SFXN2: variants seen among roughly 807,000 people sequenced by gnomAD.
SFXN2 encodes the protein sideroflexin-2.
Under a neutral mutation model 41.9 loss-of-function variants are expected in SFXN2, and 37 were observed. The ratio of observed to expected loss-of-function variants is 0.88; its 90% CI spans 0.68 to 1.16. The LOEUF (loss-of-function observed/expected upper bound fraction) is 1.16, where lower values mean the gene tolerates loss of function less well. SFXN2 is among the 50% of genes most tolerant of loss of function. SFXN2 has a pLI of 0.00. For synonymous variants in SFXN2, 150 were observed against 156.7 expected (o/e 0.96, Z 0.32); for missense variants, 386 against 425.2 (o/e 0.91, Z 0.81).
At chr10:102,737,621 T>C in intron 11 of SFXN2, 42 bp from the exon 12 acceptor site, 1 of 1,344,570 alleles carries the variant, frequency 7.4e-7, no homozygotes. Context: ...ACTTACTGCT[T>C]GTTCCTGGTG....
chr10:102,728,484 T>C lies in SFXN2; in HGVS notation c.386T>C (p.Leu129Ser), dbSNP rs761990772. ...WQWVNQSFNA[L>S]VNYTNRNAAS... is the part of the protein sequence containing the mutation. ...TGGGTGAACCAGTCCTTCAATGCCT[T>C]AGTCAACTACACCAACAGGAATGCG... The change falls in exon 4 of 12, where the codon TTA (leucine) becomes TCA (serine). Residue 129 changes from leucine to serine, a missense_variant. Coordinates refer to ENST00000369893, the MANE Select transcript of SFXN2 (RefSeq NM_178858.6). 1.2e-6 allele frequency: 2 copies of C among 1,613,874 alleles called. No individual in the cohort carries two copies. Among genetic ancestry groups the C allele is most frequent in the South Asian group, 2.2e-5 (2 of 91,078 alleles).
Position 102,734,529 on chromosome 10 carries a change from G to A in SFXN2, c.821+926G>A, listed in dbSNP as rs1458079115. The stretch of plus-strand genomic sequence containing the variant: ...GACAGAGTAAGAAACTTGCCCAAGG[G>A]TATATAGCTGGTAACTGCTGGAGCT... On this transcript the variant is annotated intron_variant, in intron 10 of 11. Coordinates refer to ENST00000369893, the MANE Select transcript of SFXN2 (RefSeq NM_178858.6). This position sits in a 1 kb window ranked among gnomAD's most constrained non-coding sequence, Gnocchi z 4.1. Among the ~76,000 whole-genome samples the A allele has an allele frequency of 1.3e-5, 2 of 152,154 alleles. No individual in the cohort carries two copies.
chr10:102,736,196 C>G (rs1394387611), intron 11 of SFXN2, among the ~76,000 whole-genome samples: 1 of 152,120 alleles, frequency 6.6e-6, no homozygotes, highest in East Asian at 1.9e-4. Flanking sequence ...AACAGACTTT[C>G]TCTTCCTGCC....
chr10:102,733,741 C>T (rs1298340229), intron 10 of SFXN2, 138 bp downstream of exon 10: 1 of 727,092 alleles, frequency 1.4e-6, no homozygotes, highest in Non-Finnish European at 2.4e-6. Flanking sequence ...ACCTGTGGTC[C>T]ATCTGGAAAG....
chr10:102,733,702 C>T lies in SFXN2; in HGVS notation c.821+99C>T, dbSNP rs995040628. The T allele has an allele frequency of 1.2e-5, 12 of 1,016,394 alleles. No homozygotes were observed. The Admixed American group carries it at 1.8e-4, about 15-fold the overall frequency. 63.0% of individuals were successfully genotyped at this position (1,016,394 alleles called of 1,614,324 possible). A position where few individuals can be genotyped will look rare whatever the true frequency, so the allele number is the denominator to read the frequency against. On this transcript the variant is annotated intron_variant, in intron 10 of 11. Coordinates refer to ENST00000369893, the MANE Select transcript of SFXN2 (RefSeq NM_178858.6). ...TGTTGGAGAACGTGTACTCCTTTAC[C>T]TGACTTTAAAAGTGGTCAAGCTCAG...
At chr10:102,725,621 G>A (rs1052145599) in intron 1 of SFXN2, among the ~76,000 whole-genome samples, 7 of 152,066 alleles carry the variant, frequency 4.6e-5, no homozygotes, top group East Asian at 1.9e-4. Flanking sequence ...GGCCAGATGC[G>A]GCAGCTCACA....
intron 6 of SFXN2, 133 bp downstream of exon 6, chr10:102,729,941 C>A: frequency 2.1e-6 from 2 of 965,446 alleles, no homozygotes; most frequent in Non-Finnish European, 3.1e-6. Context: ...CTCTGAAGGG[C>A]CCTGGGATTG....
chr10:102,735,723 A>G, intron 10 of SFXN2, 139 bp from the exon 11 acceptor site: 2 of 811,298 alleles, frequency 2.5e-6, no homozygotes, highest in Non-Finnish European at 4.3e-6. Flanking sequence ...GAACAGGAGG[A>G]GGGTTGGAGG....
chr10:102,727,223 T>TATG (rs1434952260), intron 3 of SFXN2, 66 bp downstream of exon 3: 22 of 1,494,516 alleles, frequency 1.5e-5, no homozygotes, highest in Non-Finnish European at 1.9e-5. Context: ...GGAGCCATAC[T>TATG]ATGATAATAA....
At chr10:102,731,530 C>T (rs755790522) in intron 6 of SFXN2, among the ~76,000 whole-genome samples, 193 bp from the exon 7 acceptor site, 9 of 152,126 alleles carry the variant, frequency 5.9e-5, no homozygotes, top group South Asian at 2.1e-4. Flanking sequence ...CCAGGGCCAC[C>T]GCTCTCAGCC....
chr10:102,718,734 C>G (rs571189253), intron 1 of SFXN2, among the ~76,000 whole-genome samples: 6 of 152,188 alleles, frequency 3.9e-5, no homozygotes, highest in Admixed American at 2.0e-4. Flanking sequence ...TCCGCCTTAA[C>G]GAAAAATCTA....
rs1258994727 is a variant in SFXN2 at position 102,734,792 on chromosome 10, G to T, written c.822-1070G>T. Among the ~76,000 whole-genome samples, 1 of 152,122 alleles carries T rather than the reference G, an allele frequency of 6.6e-6. No homozygotes were observed. Among genetic ancestry groups the T allele is most frequent in the Non-Finnish European group, 1.5e-5 (1 of 68,022 alleles). On this transcript the variant is annotated intron_variant, in intron 10 of 11. Transcript: ENST00000369893. This position sits in a 1 kb window ranked among gnomAD's most constrained non-coding sequence, Gnocchi z 4.1. Reference sequence around the variant, plus strand: ...GTGGTAAAACTGGGATACCAACCCAGGTCTGTCAGAGTCCCGCGTCCTGTA... The same window carrying T: ...GTGGTAAAACTGGGATACCAACCCATGTCTGTCAGAGTCCCGCGTCCTGTA...
In SFXN2 at chr10:102,733,752, C is replaced by G. The variant is rs1440716372; in HGVS notation, c.821+149C>G. On this transcript the variant is annotated intron_variant, in intron 10 of 11. Transcript: ENST00000369893. ...GAATACCTGTGGTCCATCTGGAAAG[C>G]TCTCACCCCATCTTTTGTGAGGGCA... 4 of 685,474 alleles carry G rather than the reference C, an allele frequency of 5.8e-6. No individual in the cohort carries two copies. In the African/African-American group the frequency reaches 7.2e-5, roughly 12 times the overall value. The allele number at this position is 685,474 out of a possible 1,614,324, so 42.5% of individuals were successfully genotyped here.
At position 102,740,252 on chromosome 10, in the gene SFXN2, C is replaced by T. The variant is rs1842767031; in HGVS notation, c.*2490C>T. ...AGTTGTACAAGCATCACCACTAATT[C>T]CAGAATTATTTTGAGACAGGATCTC... On this transcript the variant is annotated 3_prime_UTR_variant, in exon 12 of 12. Coordinates refer to ENST00000369893, the MANE Select transcript of SFXN2 (RefSeq NM_178858.6). 1 of 152,190 alleles carries T rather than the reference C, an allele frequency of 6.6e-6. No individual in the cohort carries two copies. The highest frequency in any genetic ancestry group is 1.5e-5 in the Non-Finnish European group (1 of 68,034). The allele number at this position is 152,190 out of a possible 1,614,324, so 9.4% of individuals were successfully genotyped here. A position where few individuals can be genotyped will look rare whatever the true frequency, so the allele number is the denominator to read the frequency against.
chr10:102,731,845 C>T lies in SFXN2; in HGVS notation c.654+62C>T, dbSNP rs557976131. ...ATTCCCTCTCATACCCTGTCCCCTC[C>T]TTAGTGGTCAGAGTAGGCACCAATA... On this transcript the variant is annotated intron_variant, in intron 7 of 11. Coordinates refer to ENST00000369893, the MANE Select transcript of SFXN2 (RefSeq NM_178858.6). 6.8e-6 allele frequency: 10 copies of T among 1,472,758 alleles called. No homozygotes were observed. In the South Asian group the frequency reaches 1.0e-4, roughly 15 times the overall value. The allele number at this position is 1,472,758 out of a possible 1,614,324, so 91.2% of individuals were successfully genotyped here.
chr10:102,733,179 G>A lies in SFXN2; in HGVS notation c.771+271G>A, dbSNP rs112011445. Among the ~76,000 whole-genome samples, 366 of 152,148 alleles carry A rather than the reference G, an allele frequency of 2.4e-3. 1 individual carries two copies. The highest frequency in any genetic ancestry group is 8.3e-3 in the African/African-American group (343 of 41,494). ...CTTTTTTCTTTTGAGATGGAGTCTC[G>A]CTCTGTCGCCCAGGCTGGAGTGCAG... On this transcript the variant is annotated intron_variant, in intron 9 of 11. Coordinates refer to ENST00000369893, the MANE Select transcript of SFXN2 (RefSeq NM_178858.6).
Position 102,737,916 on chromosome 10 carries a change from T to C in SFXN2, c.*154T>C. ...CAATGAATGCCTCATACTTACACCC[T>C]GGTACTGGTTGATTGGACCTCAGGG... On this transcript the variant is annotated 3_prime_UTR_variant, in exon 12 of 12. Transcript: ENST00000369893. 4.1e-6 allele frequency: 2 copies of C among 485,860 alleles called. No homozygotes were observed. Among genetic ancestry groups the C allele is most frequent in the Non-Finnish European group, 7.4e-6 (2 of 270,568 alleles). The allele number at this position is 485,860 out of a possible 1,614,324, so 30.1% of individuals were successfully genotyped here.
intron 11 of SFXN2, among the ~76,000 whole-genome samples, chr10:102,737,453 G>A (rs1005746395): frequency 3.3e-5 from 5 of 152,132 alleles, no homozygotes; most frequent in Non-Finnish European, 7.4e-5. Context: ...TTGTAATCTT[G>A]TGGAGAAGAT....
At chr10:102,718,743 T>C (rs976926077) in intron 1 of SFXN2, among the ~76,000 whole-genome samples, 4 of 152,068 alleles carry the variant, frequency 2.6e-5, no homozygotes, top group Non-Finnish European at 5.9e-5. Context: ...ACGAAAAATC[T>C]AAAAATTGAC....
Sources: allele counts gnomAD v4.1 joint callset (sites outside exome capture counted in the v4.1 genomes callset), GRCh38; gene constraint gnomAD v4.1.1; non-coding constraint Gnocchi (gnomAD v3.1); transcripts MANE v1.5; gene names NCBI Gene and HGNC (gene_info 2026-07-23, HGNC 2026-07-21).